Variants in ADGRL4 observed in about 807,000 individuals in gnomAD.
The protein encoded by ADGRL4 is adhesion G protein-coupled receptor L4, also known as EGF, latrophilin and seven transmembrane domain containing 1.
In ADGRL4, 90 loss-of-function variants were observed where a neutral mutation model predicts 74.8. That is an observed-to-expected ratio of 1.20 (90% CI 1.02 to 1.43). The LOEUF (loss-of-function observed/expected upper bound fraction) is 1.43, where lower values mean the gene tolerates loss of function less well. ADGRL4 is among the 40% of genes most tolerant of loss of function. The probability of loss-of-function intolerance (pLI) is 0.00; values close to 1 mark genes in which losing one functional copy is unlikely to be tolerated. For missense variants in ADGRL4, 881 were observed against 814.3 expected (o/e 1.08, Z -1.00); for synonymous variants, 311 against 279.2 (o/e 1.11, Z -1.14).
At chr1:78,932,124 G>C (rs993586119) in intron 7 of ADGRL4, among the ~76,000 whole-genome samples, 11 of 151,470 alleles carry the variant, frequency 7.3e-5, no homozygotes, top group African/African-American at 2.7e-4. Context: ...AACAGAATAT[G>C]CATTCTTCTC....
intron 3 of ADGRL4, among the ~76,000 whole-genome samples, chr1:78,940,993 G>A (rs1257498415): frequency 6.6e-6 from 1 of 152,122 alleles, no homozygotes; most frequent in Non-Finnish European, 1.5e-5. Flanking sequence ...GGTTAGAACA[G>A]TTCTTGTTCT....
At chr1:78,908,450 G>A (rs953725964) in intron 12 of ADGRL4, among the ~76,000 whole-genome samples, 15 of 151,896 alleles carry the variant, frequency 9.9e-5, no homozygotes, top group Non-Finnish European at 7.4e-5. Flanking sequence ...ACCCCTGTAG[G>A]TATTTTTAAG....
chr1:78,987,780 A>C (rs17102589), intron 2 of ADGRL4, among the ~76,000 whole-genome samples: 74,804 of 151,448 alleles, frequency 0.49, 18,614 homozygotes, highest in South Asian at 0.57. Context: ...TCATTTTCCA[A>C]GACAGGCCAC....
At chr1:78,999,386 T>A (rs1341979855) in intron 2 of ADGRL4, among the ~76,000 whole-genome samples, 2 of 152,142 alleles carry the variant, frequency 1.3e-5, no homozygotes, top group Admixed American at 1.3e-4. Flanking sequence ...TTAAAATGTA[T>A]TATAATCCAC....
chr1:78,941,395 A>G (rs555692407), intron 3 of ADGRL4, among the ~76,000 whole-genome samples: 1 of 152,214 alleles, frequency 6.6e-6, no homozygotes. Context: ...AAAACACCCC[A>G]ATGAAAGTGT....
At chr1:78,895,194 T>C (rs893672460) in intron 12 of ADGRL4, among the ~76,000 whole-genome samples, 1 of 152,074 alleles carries the variant, frequency 6.6e-6, no homozygotes, top group African/African-American at 2.4e-5. Flanking sequence ...AAAGGCGTTA[T>C]AGTTTCATGT....
intron 13 of ADGRL4, 37 bp downstream of exon 13, chr1:78,893,058 CAAA>C (rs10640737): frequency 1.5e-3 from 1,278 of 845,478 alleles, no homozygotes; most frequent in South Asian, 2.6e-3. Context: ...TTTTAATTAC[CAAA>C]AAAAAAAAAA....
intron 12 of ADGRL4, among the ~76,000 whole-genome samples, chr1:78,915,926 A>G (rs866151524): frequency 2.0e-5 from 3 of 152,006 alleles, no homozygotes; most frequent in Non-Finnish European, 2.9e-5. Flanking sequence ...GATGAGAAAT[A>G]TTTAATTGTA....
chr1:78,974,943 G>T (rs1432142371), intron 2 of ADGRL4, among the ~76,000 whole-genome samples: 4 of 152,094 alleles, frequency 2.6e-5, no homozygotes, highest in African/African-American at 4.8e-5. Context: ...TAACATATTT[G>T]TAGTTTTTGA....
At chr1:78,940,641 T>C (rs1649456900) in intron 3 of ADGRL4, among the ~76,000 whole-genome samples, 1 of 152,146 alleles carries the variant, frequency 6.6e-6, no homozygotes, top group South Asian at 2.1e-4. Context: ...TTTGACGTCT[T>C]AAAGATACTT....
At chr1:78,996,023 T>C (rs562902383) in intron 2 of ADGRL4, among the ~76,000 whole-genome samples, 9 of 152,190 alleles carry the variant, frequency 5.9e-5, no homozygotes, top group Admixed American at 1.3e-4. Context: ...AATAGATTAA[T>C]CTAGAAATTA....
At chr1:79,001,049 A>G (rs1434431596) in intron 2 of ADGRL4, among the ~76,000 whole-genome samples, 2 of 151,962 alleles carry the variant, frequency 1.3e-5, no homozygotes, top group Non-Finnish European at 2.9e-5. Flanking sequence ...ATCCTTAAAT[A>G]TTATCTGAAA....
intron 2 of ADGRL4, among the ~76,000 whole-genome samples, chr1:78,969,415 G>T (rs894740132): frequency 6.6e-6 from 1 of 152,128 alleles, no homozygotes; most frequent in Non-Finnish European, 1.5e-5. Context: ...GTTCCTGACT[G>T]GTGGTCAATA....
intron 10 of ADGRL4, among the ~76,000 whole-genome samples, chr1:78,918,987 A>G (rs1282582604): frequency 1.3e-5 from 2 of 151,934 alleles, no homozygotes; most frequent in African/African-American, 2.4e-5. Flanking sequence ...GGTGAAGATA[A>G]TGGTGGAAGG....
intron 12 of ADGRL4, among the ~76,000 whole-genome samples, chr1:78,902,851 C>G (rs1013132756): frequency 8.6e-5 from 13 of 152,006 alleles, no homozygotes; most frequent in African/African-American, 2.9e-4. Flanking sequence ...CTGGAGACAT[C>G]TGTCCTCATT....
rs976846175 is a variant in ADGRL4 at position 78,920,172 on chromosome 1, T to C, written c.1461+11A>G. On this transcript the variant is annotated intron_variant, in intron 10 of 14. Transcript: ENST00000370742. The stretch of plus-strand genomic sequence containing the variant: ...CATAGGACAAAAATAGAGATTAGGA[T>C]GCCTACATACCTTATTAGTATTTGT... The C allele has an allele frequency of 1.5e-5, 24 of 1,592,944 alleles. No individual in the cohort carries two copies. In the African/African-American group the frequency reaches 2.3e-4, roughly 15 times the overall value.
chr1:78,993,350 C>T (rs577354527), intron 2 of ADGRL4, among the ~76,000 whole-genome samples: 18 of 151,846 alleles, frequency 1.2e-4, no homozygotes, highest in South Asian at 6.2e-4. Context: ...ACCTTTACAC[C>T]TAAAATAAAA....
At chr1:78,987,628 GTA>G (rs1237815464) in intron 2 of ADGRL4, among the ~76,000 whole-genome samples, 2 of 151,762 alleles carry the variant, frequency 1.3e-5, no homozygotes, top group African/African-American at 4.8e-5. Context: ...GAAGAACAAA[GTA>G]TGTTATTGGA....
At chr1:78,977,053 A>G (rs1222393874) in intron 2 of ADGRL4, among the ~76,000 whole-genome samples, 1 of 151,758 alleles carries the variant, frequency 6.6e-6, no homozygotes, top group Non-Finnish European at 1.5e-5. Flanking sequence ...AACTATACAT[A>G]CAAAGCACCA....
Sources: gnomAD v4.1 joint callset for allele counts (sites outside exome capture counted in the v4.1 genomes callset) on GRCh38, gnomAD v4.1.1 for gene constraint, MANE v1.5 for transcripts, NCBI Gene and HGNC (gene_info 2026-07-23, HGNC 2026-07-21) for gene names.